Variants in ZFPM2 observed in about 807,000 individuals in gnomAD.
The protein encoded by ZFPM2 is zinc finger protein, FOG family member 2.
Under a neutral mutation model 98.6 loss-of-function variants are expected in ZFPM2, and 20 were observed. The observed-to-expected ratio is 0.20, with a 90% CI of 0.14 to 0.29. The LOEUF is 0.29. ZFPM2 is among the 10% of genes least tolerant of loss of function. The pLI is 1.00. For synonymous variants in ZFPM2, 518 were observed against 502.7 expected, an observed-to-expected ratio of 1.03 and a Z score of -0.41; for missense variants, 1,310 against 1,388.6, an observed-to-expected ratio of 0.94 and a Z score of 0.90.
At chr8:105,452,009 CTT>C (rs1368354596) in intron 3 of ZFPM2, among the ~76,000 whole-genome samples, 8 of 152,070 alleles carry the variant, frequency 5.3e-5, no homozygotes, top group South Asian at 2.1e-4. Context: ...GGTCAGAAAA[CTT>C]TGAATAATTT....
Position 105,788,934 on chromosome 8 carries a change from C to T in ZFPM2, c.739+10C>T. The T allele has an allele frequency of 6.2e-7, 1 of 1,610,610 alleles. No individual in the cohort carries two copies. Among genetic ancestry groups the T allele is most frequent in the African/African-American group, 1.3e-5 (1 of 74,956 alleles). On this transcript the variant is annotated intron_variant, in intron 6 of 7. Coordinates refer to ENST00000407775, the MANE Select transcript of ZFPM2 (RefSeq NM_012082.4). ...ACAGCTATTGTCAATAGTAAGTGCT[C>T]AGTGCTGTGTAGCCCAGCTTTAGAG...
intron 4 of ZFPM2, among the ~76,000 whole-genome samples, chr8:105,582,112 T>C (rs1321116840): frequency 6.6e-6 from 1 of 152,200 alleles, no homozygotes; most frequent in Non-Finnish European, 1.5e-5. Context: ...AACTTTATCT[T>C]TCTACTACTT....
chr8:105,588,037 T>C (rs1815760810), intron 4 of ZFPM2, among the ~76,000 whole-genome samples: 1 of 152,222 alleles, frequency 6.6e-6, no homozygotes, highest in Admixed American at 6.5e-5. Flanking sequence ...CACTTGTTTT[T>C]TAAGCTATAT....
chr8:105,641,443 A>G (rs1459908884), intron 5 of ZFPM2, among the ~76,000 whole-genome samples: 1 of 152,028 alleles, frequency 6.6e-6, no homozygotes, highest in Non-Finnish European at 1.5e-5. Flanking sequence ...CTAGGAATCT[A>G]TGATTGTAAA....
At position 105,534,938 on chromosome 8, in the gene ZFPM2, G is replaced by A. The variant is rs1473869286; in HGVS notation, c.302-26425G>A. Among the ~76,000 whole-genome samples the A allele has an allele frequency of 9.2e-5, 14 of 152,216 alleles. No homozygotes were observed. In the South Asian group the frequency reaches 2.1e-3, roughly 23 times the overall value. The stretch of plus-strand genomic sequence containing the variant: ...ATGACCAAAGAAAAATCTGTCTATA[G>A]TAACAGCAAGTTTTCAGACACTACT... On this transcript the variant is annotated intron_variant, in intron 3 of 7. Coordinates refer to ENST00000407775, the MANE Select transcript of ZFPM2 (RefSeq NM_012082.4).
At chr8:105,321,402 C>G (rs1812022905) in intron 1 of ZFPM2, among the ~76,000 whole-genome samples, 1 of 152,192 alleles carries the variant, frequency 6.6e-6, no homozygotes, top group African/African-American at 2.4e-5. Flanking sequence ...GAAAGCTATG[C>G]TCTGTGAAAC....
intron 1 of ZFPM2, among the ~76,000 whole-genome samples, chr8:105,388,419 G>T (rs1369223447): frequency 4.6e-5 from 7 of 152,210 alleles, no homozygotes; most frequent in Non-Finnish European, 8.8e-5. Context: ...AAAATGACTT[G>T]CAGTATAAGT....
At chr8:105,467,181 G>C (rs928942344) in intron 3 of ZFPM2, among the ~76,000 whole-genome samples, 2 of 152,160 alleles carry the variant, frequency 1.3e-5, no homozygotes, top group African/African-American at 4.8e-5. Flanking sequence ...TCAGAACTCT[G>C]ACCTTGAGCC....
At chr8:105,777,749 T>C (rs1813136900) in intron 5 of ZFPM2, among the ~76,000 whole-genome samples, 1 of 152,240 alleles carries the variant, frequency 6.6e-6, no homozygotes, top group Non-Finnish European at 1.5e-5. Context: ...GTTGGCATGT[T>C]GCTGCATACG....
intron 1 of ZFPM2, among the ~76,000 whole-genome samples, chr8:105,330,524 C>T (rs1216686872): frequency 2.0e-4 from 18 of 90,940 alleles, no homozygotes; most frequent in African/African-American, 6.5e-4. Context: ...AAAACAATTT[C>T]TCTCTCTCTC....
At chr8:105,543,000 T>C (rs1241060836) in intron 3 of ZFPM2, among the ~76,000 whole-genome samples, 2 of 152,210 alleles carry the variant, frequency 1.3e-5, no homozygotes, top group Admixed American at 1.3e-4. Flanking sequence ...CATTAGGTTG[T>C]TACTAGTATC....
intron 1 of ZFPM2, among the ~76,000 whole-genome samples, chr8:105,384,896 TA>T (rs1810953553): frequency 6.6e-6 from 1 of 152,130 alleles, no homozygotes; most frequent in Non-Finnish European, 1.5e-5. Flanking sequence ...CAGAAATGAA[TA>T]CAGTGCTCAC....
In ZFPM2 at chr8:105,680,045, A is replaced by G. The variant is rs117307295; in HGVS notation, c.532+45688A>G. 2.7e-3 allele frequency among the ~76,000 whole-genome samples: 406 copies of G among 152,284 alleles called. 2 individuals carry two copies. The highest frequency in any genetic ancestry group is 3.5e-3 in the Non-Finnish European group (236 of 68,024). On this transcript the variant is annotated intron_variant, in intron 5 of 7. Transcript: ENST00000407775. ...TCCACATTTTGTTACAGGGAAGTCT[A>G]TTAAACTGCATTTCCCTCTATTATT...
chr8:105,444,417 T>C (rs752565075), intron 3 of ZFPM2, 36 bp downstream of exon 3: 1 of 1,500,428 alleles, frequency 6.7e-7, no homozygotes, highest in East Asian at 2.3e-5. Flanking sequence ...CCGTCTTTAG[T>C]ACTGTTAGAA....
At chr8:105,643,528 G>T (rs1816984691) in intron 5 of ZFPM2, among the ~76,000 whole-genome samples, 1 of 152,000 alleles carries the variant, frequency 6.6e-6, no homozygotes, top group Admixed American at 6.6e-5. Context: ...ATTAGTATTT[G>T]TGAAGTACCT....
rs187761846 is a variant in ZFPM2, at chr8:105,562,919, A to G, written c.420+1438A>G. 2.1e-3 allele frequency among the ~76,000 whole-genome samples: 319 copies of G among 152,326 alleles called. 1 individual carries two copies. The highest frequency in any genetic ancestry group is 3.4e-3 in the Middle Eastern group (1 of 294). ...GGAGCTATTCTGCCTACCACATGGGATAAAAGAAAAACAATAGCTGAAAAC... is the reference window on the plus strand; with the variant it reads ...GGAGCTATTCTGCCTACCACATGGGGTAAAAGAAAAACAATAGCTGAAAAC... On this transcript the variant is annotated intron_variant, in intron 4 of 7. Transcript: ENST00000407775.
chr8:105,380,382 AAGGC>A (rs570163468), intron 1 of ZFPM2, among the ~76,000 whole-genome samples: 10 of 150,694 alleles, frequency 6.6e-5, no homozygotes, highest in Non-Finnish European at 1.5e-4. Flanking sequence ...AAGAAAGAGA[AAGGC>A]AGGTGCTGAT....
intron 1 of ZFPM2, among the ~76,000 whole-genome samples, chr8:105,354,886 G>A (rs1442299085): frequency 1.3e-5 from 2 of 151,970 alleles, no homozygotes; most frequent in Non-Finnish European, 2.9e-5. Flanking sequence ...CCCGGGTGGC[G>A]GAGCTTGAAG....
At chr8:105,640,613 A>G (rs891347944) in intron 5 of ZFPM2, among the ~76,000 whole-genome samples, 1 of 152,066 alleles carries the variant, frequency 6.6e-6, no homozygotes, top group Non-Finnish European at 1.5e-5. Context: ...TAGCTTGAGT[A>G]AGTAACTTTC....
Sources: allele counts gnomAD v4.1 joint callset (sites outside exome capture counted in the v4.1 genomes callset), GRCh38; gene constraint gnomAD v4.1.1; transcripts MANE v1.5; gene names NCBI Gene and HGNC (gene_info 2026-07-23, HGNC 2026-07-21).